DOCK3: variants seen among roughly 807,000 people sequenced by gnomAD.
DOCK3 encodes the protein dedicator of cytokinesis 3, also known as dedicator of cytokinesis protein 3.
In DOCK3, 60 loss-of-function variants were observed where a neutral mutation model predicts 265.6. The observed-to-expected ratio is 0.23, with a 90% confidence interval of 0.18 to 0.28. DOCK3 has a LOEUF of 0.28. DOCK3 is among the 10% of genes least tolerant of loss of function. DOCK3 has a pLI of 1.00. For synonymous variants in DOCK3, 881 were observed against 938.0 expected, an observed-to-expected ratio of 0.94 and a Z score of 1.11; for missense variants, 1,981 against 2,594.3, an observed-to-expected ratio of 0.76 and a Z score of 5.14.
chr3:51,310,742 A>G (rs755663429), intron 28 of DOCK3, among the ~76,000 whole-genome samples: 1 of 152,214 alleles, frequency 6.6e-6, no homozygotes, highest in Admixed American at 6.5e-5. Context: ...GATTACTGAC[A>G]TAGAATTTAC....
chr3:51,267,004 G>A lies in DOCK3; in HGVS notation c.2356-3811G>A, dbSNP rs548086432. Among the ~76,000 whole-genome samples the A allele has an allele frequency of 3.2e-4, 49 of 152,090 alleles. 2 individuals are homozygous for A. The South Asian group carries it at 6.4e-3, about 20-fold the overall frequency. ...AAGAAAAAACCATCAAAAAGTGGGC[G>A]AAGGATATGAACAGACACTTCTCAA... On this transcript the variant is annotated intron_variant, in intron 23 of 52. Transcript: ENST00000266037.
intron 5 of DOCK3, among the ~76,000 whole-genome samples, chr3:50,967,326 A>G (rs2077063665): frequency 6.6e-6 from 1 of 152,152 alleles, no homozygotes; most frequent in Non-Finnish European, 1.5e-5. Flanking sequence ...AGATCCAACC[A>G]TGTTGCACAT....
chr3:50,779,581 A>G (rs1347741938), intron 2 of DOCK3, among the ~76,000 whole-genome samples: 5 of 151,956 alleles, frequency 3.3e-5, no homozygotes, highest in African/African-American at 7.2e-5. Context: ...ATAGGATTTC[A>G]CCATGTTGGC....
chr3:51,362,531 C>T lies in DOCK3; in HGVS notation c.5150C>T (p.Ala1717Val), dbSNP rs374905256. 1.1e-5 allele frequency: 18 copies of T among 1,613,890 alleles called. No individual in the cohort carries two copies. Among genetic ancestry groups the T allele is most frequent in the East Asian group, 4.5e-5 (2 of 44,878 alleles). Residue 1717 changes from alanine (A) to valine (V), a missense_variant, in exon 49 of 53, where the codon GCG (alanine) becomes GTG (valine). Ala to Val is a moderately conservative substitution (Grantham distance 64). Transcript: ENST00000266037. ...CTGATTTTTCTCCCTTTGCAGCTCGCGTATCCCAACCCCAGGTACCAAGGC... is the reference window on the plus strand; with the variant it reads ...CTGATTTTTCTCCCTTTGCAGCTCGTGTATCCCAACCCCAGGTACCAAGGC... ...PEDLYHHMQL[A>V]YPNPRYQGSV...
At chr3:51,310,115 C>A in intron 27 of DOCK3, 117 bp from the exon 28 acceptor site, 1 of 765,512 alleles carries the variant, frequency 1.3e-6, no homozygotes, top group Non-Finnish European at 2.3e-6. Context: ...CAGAGAGAAC[C>A]AGATCTAACT....
intron 1 of DOCK3, among the ~76,000 whole-genome samples, chr3:50,749,761 T>C (rs2039671234): frequency 6.6e-6 from 1 of 152,214 alleles, no homozygotes; most frequent in South Asian, 2.1e-4. Context: ...TCTAGTAATA[T>C]GTCAGATAAA....
chr3:50,849,405 TAC>T (rs1209361630), intron 3 of DOCK3, among the ~76,000 whole-genome samples: 1 of 149,936 alleles, frequency 6.7e-6, no homozygotes, highest in African/African-American at 2.5e-5. Context: ...CACACACACA[TAC>T]ACACACACAT....
At chr3:50,897,915 C>T (rs1296388596) in intron 4 of DOCK3, among the ~76,000 whole-genome samples, 1 of 86,512 alleles carries the variant, frequency 1.2e-5, no homozygotes, top group African/African-American at 4.6e-5. Flanking sequence ...CGATGTTCAT[C>T]AGGTATATTG....
intron 2 of DOCK3, among the ~76,000 whole-genome samples, chr3:50,828,827 C>T (rs1035843534): frequency 6.6e-6 from 1 of 152,160 alleles, no homozygotes; most frequent in East Asian, 1.9e-4. Flanking sequence ...GATTCTCCTG[C>T]CTCAGCCTCC....
intron 5 of DOCK3, among the ~76,000 whole-genome samples, chr3:51,008,053 C>G (rs772755365): frequency 6.6e-6 from 1 of 152,178 alleles, no homozygotes; most frequent in South Asian, 2.1e-4. Context: ...AGTCAGGTAG[C>G]ATGATGCCTC....
chr3:50,858,451 T>TAATAAA (rs1559732458), intron 3 of DOCK3, among the ~76,000 whole-genome samples: 2 of 146,506 alleles, frequency 1.4e-5, no homozygotes, highest in East Asian at 2.0e-4. Context: ...ATAATAATAA[T>TAATAAA]AAAAATAAAA....
intron 4 of DOCK3, among the ~76,000 whole-genome samples, chr3:50,915,372 T>G (rs1001701680): frequency 1.3e-5 from 2 of 151,964 alleles, no homozygotes; most frequent in African/African-American, 4.8e-5. Context: ...GCACAGCTGT[T>G]GTTTGGTCCC....
At chr3:50,877,196 C>G (rs1340833794) in intron 3 of DOCK3, 9 of 323,046 alleles carry the variant, frequency 2.8e-5, no homozygotes. Context: ...TGAATGTCAT[C>G]TGGCTTCTTT....
At chr3:50,956,078 A>T (rs571103464) in intron 5 of DOCK3, among the ~76,000 whole-genome samples, 2,623 of 149,026 alleles carry the variant, frequency 0.018, 44 homozygotes, top group African/African-American at 0.047. Context: ...TTTTTTTTTT[A>T]AAATGCTGGT....
At chr3:51,312,748 A>C in intron 30 of DOCK3, 96 bp from the exon 31 acceptor site, 2 of 1,378,336 alleles carry the variant, frequency 1.5e-6, no homozygotes, top group Non-Finnish European at 2.0e-6. Context: ...AAGCATTAGA[A>C]ACAAACAGTG....
intron 21 of DOCK3, among the ~76,000 whole-genome samples, chr3:51,240,000 T>A (rs149017043): frequency 2.0e-5 from 3 of 152,322 alleles, no homozygotes; most frequent in African/African-American, 7.2e-5. Flanking sequence ...AGGAATTGGT[T>A]TGCTCTTAGT....
chr3:50,929,212 G>C (rs1338492220), intron 4 of DOCK3, among the ~76,000 whole-genome samples: 1 of 152,154 alleles, frequency 6.6e-6, no homozygotes, highest in African/African-American at 2.4e-5. Context: ...TCCTCTCTCT[G>C]TTTCTGCCTC....
At chr3:51,229,463 A>G (rs1560246712) in intron 18 of DOCK3, 49 bp from the exon 19 acceptor site, 2 of 1,353,104 alleles carry the variant, frequency 1.5e-6, no homozygotes, top group Non-Finnish European at 2.0e-6. Flanking sequence ...AAAAAAAAAA[A>G]GAATATCCAG....
intron 9 of DOCK3, among the ~76,000 whole-genome samples, chr3:51,144,362 G>A (rs1028365783): frequency 7.2e-5 from 11 of 152,288 alleles, no homozygotes; most frequent in African/African-American, 2.4e-4. Context: ...GTGTTCGAGA[G>A]TTTTGTCCTT....
Sources: gnomAD v4.1 joint callset for allele counts (sites outside exome capture counted in the v4.1 genomes callset) on GRCh38, gnomAD v4.1.1 for gene constraint, MANE v1.5 for transcripts, NCBI Gene and HGNC (gene_info 2026-07-23, HGNC 2026-07-21) for gene names.